The following TBC1D15 variants were observed in gnomAD, a reference collection of about 807,000 sequenced individuals.
TBC1D15 encodes the protein TBC1 domain family member 15.
Under a neutral mutation model 95.4 loss-of-function variants are expected in TBC1D15, and 39 were observed. The observed-to-expected ratio is 0.41, with a 90% CI of 0.32 to 0.53. The LOEUF (loss-of-function observed/expected upper bound fraction) is 0.53. TBC1D15 is among the 20% of genes least tolerant of loss of function. TBC1D15 has a pLI of 0.29. For synonymous variants in TBC1D15, 258 were observed against 261.3 expected (o/e 0.99, Z 0.12); for missense variants, 733 against 794.3 (o/e 0.92, Z 0.93).
chr12:71,879,121 G>T (rs543382586), intron 3 of TBC1D15, among the ~76,000 whole-genome samples: 1 of 150,028 alleles, frequency 6.7e-6, no homozygotes, highest in African/African-American at 2.5e-5. Context: ...TCCCTTACCT[G>T]TCTCTCTCTC....
intron 1 of TBC1D15, among the ~76,000 whole-genome samples, chr12:71,854,305 T>G (rs1378081601): frequency 6.6e-6 from 1 of 152,214 alleles, no homozygotes; most frequent in Non-Finnish European, 1.5e-5. Context: ...GGAGGTTAAA[T>G]CCAGCCTGTC....
At chr12:71,872,321 AAC>A (rs894118505) in intron 2 of TBC1D15, among the ~76,000 whole-genome samples, 153 bp downstream of exon 2, 2 of 152,188 alleles carry the variant, frequency 1.3e-5, no homozygotes, top group African/African-American at 4.8e-5. Context: ...GTAATAGTCA[AAC>A]ACACGCTCCT....
chr12:71,854,140 T>G (rs534975869), intron 1 of TBC1D15, among the ~76,000 whole-genome samples: 10 of 152,340 alleles, frequency 6.6e-5, no homozygotes, highest in South Asian at 6.2e-4. Context: ...ACACACAACA[T>G]AAAGCTAGAC....
At chr12:71,919,006 T>C (rs574870181) in intron 14 of TBC1D15, among the ~76,000 whole-genome samples, 1 of 152,290 alleles carries the variant, frequency 6.6e-6, no homozygotes, top group East Asian at 1.9e-4. Context: ...TGCATGTTGC[T>C]GAGGTTTGGT....
In TBC1D15 at chr12:71,848,922, ACTGT is replaced by A. The variant is rs966700359; in HGVS notation, c.30+9116_30+9119del. Among the ~76,000 whole-genome samples, 47 of 152,242 alleles carry A rather than the reference ACTGT, an allele frequency of 3.1e-4. 1 individual carries two copies. The highest frequency in any genetic ancestry group is 9.4e-4 in the African/African-American group (39 of 41,568). ...GTATAAATTAAATAAAATCTATACAACTGTCTGTTCTTCTGTTGCCTCACATCAT... is the reference window on the plus strand; with the variant it reads ...GTATAAATTAAATAAAATCTATACAACTGTTCTTCTGTTGCCTCACATCAT... On this transcript the variant is annotated intron_variant, in intron 1 of 16. Transcript: ENST00000485960.
At chr12:71,918,411 A>T (rs766354514) in intron 13 of TBC1D15, 40 bp from the exon 14 acceptor site, 4 of 1,287,048 alleles carry the variant, frequency 3.1e-6, no homozygotes, top group Non-Finnish European at 4.4e-6. Context: ...CATAATTAGC[A>T]TAAGAGTAAG....
intron 1 of TBC1D15, among the ~76,000 whole-genome samples, chr12:71,847,340 C>T (rs1241703141): frequency 6.6e-6 from 1 of 151,860 alleles, no homozygotes; most frequent in Non-Finnish European, 1.5e-5. Flanking sequence ...TTTCTTTATT[C>T]AGGATAATTA....
At chr12:71,875,581 C>T (rs1239128820) in intron 3 of TBC1D15, among the ~76,000 whole-genome samples, 1 of 151,764 alleles carries the variant, frequency 6.6e-6, no homozygotes, top group East Asian at 1.9e-4. Context: ...GCTTCCACAT[C>T]AAGTCTCCAT....
chr12:71,851,396 C>A (rs561656307), intron 1 of TBC1D15, among the ~76,000 whole-genome samples: 2 of 152,252 alleles, frequency 1.3e-5, no homozygotes, highest in African/African-American at 2.4e-5. Context: ...CATTCCTCTT[C>A]TGGCCCCTCC....
intron 1 of TBC1D15, among the ~76,000 whole-genome samples, chr12:71,861,927 T>C (rs1890469100): frequency 6.6e-6 from 1 of 152,186 alleles, no homozygotes; most frequent in Non-Finnish European, 1.5e-5. Context: ...AATTACTTAA[T>C]TTCTTCTTTG....
intron 13 of TBC1D15, 114 bp downstream of exon 13, chr12:71,917,911 C>T: frequency 1.5e-6 from 1 of 645,922 alleles, no homozygotes. Context: ...ATAATCCCAG[C>T]ACTTTGGAAG....
Position 71,894,893 on chromosome 12 carries a change from G to T in TBC1D15, c.855+10G>T. ...TGAAGTCATCACAAGAGTGAGTAAA[G>T]ATTAGTATTAATATAGCTCTTATAT... On this transcript the variant is annotated intron_variant, in intron 7 of 16. Coordinates refer to ENST00000485960, the MANE Select transcript of TBC1D15 (RefSeq NM_001146213.3). 1 of 1,608,852 alleles carries T rather than the reference G, an allele frequency of 6.2e-7. No individual in the cohort carries two copies. Among genetic ancestry groups the T allele is most frequent in the Non-Finnish European group, 8.5e-7 (1 of 1,176,380 alleles).
chr12:71,901,533 G>C (rs1399346897), intron 10 of TBC1D15, among the ~76,000 whole-genome samples: 1 of 152,068 alleles, frequency 6.6e-6, no homozygotes, highest in Non-Finnish European at 1.5e-5. Context: ...CATCAACATA[G>C]ATAGTATGAG....
chr12:71,909,291 T>C (rs939983754), intron 11 of TBC1D15, among the ~76,000 whole-genome samples: 1 of 152,234 alleles, frequency 6.6e-6, no homozygotes, highest in African/African-American at 2.4e-5. Flanking sequence ...CAGAGCAACC[T>C]GGACTGTAAA....
chr12:71,896,049 A>C lies in TBC1D15; in HGVS notation c.958A>C (p.Asn320His), dbSNP rs1392897911. The C allele has an allele frequency of 6.2e-7, 1 of 1,610,904 alleles. No individual in the cohort carries two copies. Among genetic ancestry groups the C allele is most frequent in the Non-Finnish European group, 8.5e-7 (1 of 1,177,666 alleles). Residue 320 changes from asparagine (N) to histidine (H), a missense_variant, in exon 8 of 17, where the codon AAT (asparagine) becomes CAT (histidine). By Grantham distance (68) the Asn-to-His change is moderately conservative. Coordinates refer to ENST00000485960, the MANE Select transcript of TBC1D15 (RefSeq NM_001146213.3). Reference protein sequence around the residue: ...DSEGRILNVDNMKQMIFRGGL... With the variant: ...DSEGRILNVDHMKQMIFRGGL... Reference sequence around the variant, plus strand: ...TGAAGGAAGAATTTTAAATGTAGATAATATGAAGCAGATGATATTTAGAGG... The same window carrying C: ...TGAAGGAAGAATTTTAAATGTAGATCATATGAAGCAGATGATATTTAGAGG...
At chr12:71,878,550 C>G (rs1366114908) in intron 3 of TBC1D15, among the ~76,000 whole-genome samples, 1 of 150,486 alleles carries the variant, frequency 6.6e-6, no homozygotes, top group East Asian at 1.9e-4. Flanking sequence ...GAGTCTCTCT[C>G]TTTCATCCAG....
intron 10 of TBC1D15, among the ~76,000 whole-genome samples, chr12:71,903,654 A>G (rs1203695931): frequency 1.3e-5 from 2 of 152,330 alleles, no homozygotes; most frequent in East Asian, 3.9e-4. Flanking sequence ...TAAAGAAAAT[A>G]TACATATGCA....
chr12:71,919,115 A>G (rs1277693267), intron 14 of TBC1D15, among the ~76,000 whole-genome samples: 1 of 151,742 alleles, frequency 6.6e-6, no homozygotes, highest in Non-Finnish European at 1.5e-5. Context: ...TGTAATCCCC[A>G]GTGTTTATTT....
At chr12:71,882,380 G>A (rs1010566349) in intron 4 of TBC1D15, among the ~76,000 whole-genome samples, 1 of 152,118 alleles carries the variant, frequency 6.6e-6, no homozygotes, top group African/African-American at 2.4e-5. Flanking sequence ...TGTCCTTGAT[G>A]TTAATTCTAT....
Sources: allele counts gnomAD v4.1 joint callset (sites outside exome capture counted in the v4.1 genomes callset), GRCh38; gene constraint gnomAD v4.1.1; transcripts MANE v1.5; gene names NCBI Gene and HGNC (gene_info 2026-07-23, HGNC 2026-07-21).